Variants in CD300LG observed in about 807,000 individuals in gnomAD.
The protein encoded by CD300LG is CMRF35-like molecule 9.
A neutral mutation model predicts 31.5 loss-of-function variants in CD300LG; 29 were observed. The ratio of observed to expected loss-of-function variants is 0.92; its 90% confidence interval spans 0.68 to 1.25. The LOEUF (loss-of-function observed/expected upper bound fraction) is 1.25, where lower values mean the gene tolerates loss of function less well. CD300LG is among the 50% of genes most tolerant of loss of function. The probability of loss-of-function intolerance (pLI) is 0.00; values close to 1 mark genes in which losing one functional copy is unlikely to be tolerated. For missense variants in CD300LG, 396 were observed against 417.6 expected (o/e 0.95, Z 0.45); for synonymous variants, 175 against 177.2 (o/e 0.99, Z 0.10).
rs888407431 is a variant in CD300LG at position 43,851,995 on chromosome 17, G to T, written c.380-917G>T. Among the ~76,000 whole-genome samples, 3 of 152,146 alleles carry T rather than the reference G, an allele frequency of 2.0e-5. No individual in the cohort carries two copies. The East Asian group carries it at 5.8e-4, about 29-fold the overall frequency. The stretch of plus-strand genomic sequence containing the variant: ...GACATTACAGAGGAGTTGACCTTGA[G>T]CTTGTGCTGAAGGACAGAAAGAAGT... On this transcript the variant is annotated intron_variant, in intron 2 of 6. Transcript: ENST00000317310.
Position 43,852,965 on chromosome 17 carries a change from C to A in CD300LG, c.433C>A (p.Arg145Ser). 1 of 1,612,666 alleles carries A rather than the reference C, an allele frequency of 6.2e-7. No individual in the cohort carries two copies. The stretch of plus-strand genomic sequence containing the variant: ...CACCTTCCAGCCTCTGGCTACAACA[C>A]GCCTGCAGCCCAAGGCAAAAGCTCA... ...SPTFQPLATT[R>S]LQPKAKAQQT... Residue 145 changes from arginine (R) to serine (S), a missense_variant, in exon 3 of 7, where the codon CGC becomes AGC. Transcript: ENST00000317310.
Position 43,852,916 on chromosome 17 carries a change from C to T in CD300LG, c.384C>T (p.Pro128=). 1 of 1,611,334 alleles carries T rather than the reference C, an allele frequency of 6.2e-7. No individual in the cohort carries two copies. Among genetic ancestry groups the T allele is most frequent in the South Asian group, 1.1e-5 (1 of 90,534 alleles). The change falls in exon 3 of 7, where the codon CCC becomes CCT. Residue 128 remains proline (P), a synonymous_variant. Transcript: ENST00000317310. The part of the protein sequence containing the change: ...LLISLFVFPG[P]CCPPSPSPTF... ...CAGCCTTTCCCTTTCCTCTAGGACCCTGCTGTCCTCCCTCCCCTTCTCCCA... is the reference window on the plus strand; with the variant it reads ...CAGCCTTTCCCTTTCCTCTAGGACCTTGCTGTCCTCCCTCCCCTTCTCCCA...
In CD300LG at chr17:43,855,300, G is replaced by C; in HGVS notation, c.813G>C (p.Leu271=). The change falls in exon 5 of 7, where the codon CTG becomes CTC. Residue 271 remains leucine, a synonymous_variant. Coordinates refer to ENST00000317310, the MANE Select transcript of CD300LG (RefSeq NM_145273.4). The part of the protein sequence containing the change: ...AAGLIAFCSH[L]LLWRKEAQQA... ...GCCTGATCGCCTTCTGCAGCCACCT[G>C]CTCCTGTGGAGAAAGGAAGGTGAGC... 3.8e-6 allele frequency: 6 copies of C among 1,592,972 alleles called. No individual in the cohort carries two copies. Among genetic ancestry groups the C allele is most frequent in the Non-Finnish European group, 5.1e-6 (6 of 1,171,972 alleles).
Position 43,848,839 on chromosome 17 carries a change from G to A in CD300LG, c.325G>A (p.Val109Ile). Residue 109 changes from valine (V) to isoleucine (I), a missense_variant, in exon 2 of 7, where the codon GTC becomes ATC. Coordinates refer to ENST00000317310, the MANE Select transcript of CD300LG (RefSeq NM_145273.4). ...AGACGCTGGGGAGTACTGGTGTGGG[G>A]TCGAAAAACGGGGCCCCGATGAGTC... Reference protein sequence around the residue: ...LQDAGEYWCGVEKRGPDESLL... With the variant: ...LQDAGEYWCGIEKRGPDESLL... The A allele has an allele frequency of 6.2e-7, 1 of 1,614,058 alleles. No homozygotes were observed. Among genetic ancestry groups the A allele is most frequent in the Non-Finnish European group, 8.5e-7 (1 of 1,180,012 alleles).
intron 6 of CD300LG, among the ~76,000 whole-genome samples, chr17:43,859,976 T>A (rs1459003401): frequency 1.3e-5 from 2 of 152,216 alleles, no homozygotes. Flanking sequence ...GCTCAAGTGG[T>A]CCTCTAGCCT....
intron 5 of CD300LG, 92 bp from the exon 6 acceptor site, chr17:43,857,012 C>A (rs1395534122): frequency 1.5e-6 from 2 of 1,306,004 alleles, no homozygotes; most frequent in Non-Finnish European, 1.1e-6. Flanking sequence ...CTCCCGTGTG[C>A]AAGGGGGCCA....
At chr17:43,859,761 G>A (rs996008900) in intron 6 of CD300LG, among the ~76,000 whole-genome samples, 1 of 152,148 alleles carries the variant, frequency 6.6e-6, no homozygotes, top group Non-Finnish European at 1.5e-5. Context: ...GGCAGCATTT[G>A]GGAATTGCCT....
In CD300LG at chr17:43,852,979, G is replaced by C. The variant is rs769293381; in HGVS notation, c.447G>C (p.Lys149Asn). The C allele has an allele frequency of 3.1e-6, 5 of 1,612,074 alleles. No homozygotes were observed. In the South Asian group the frequency reaches 3.3e-5, roughly 11 times the overall value. Reference protein sequence around the residue: ...QPLATTRLQPKAKAQQTQPPG... With the variant: ...QPLATTRLQPNAKAQQTQPPG... ...TGGCTACAACACGCCTGCAGCCCAA[G>C]GCAAAAGCTCAGCAAACCCAGCCCC... is the stretch of plus-strand genomic sequence containing the variant. The change falls in exon 3 of 7, where the codon AAG becomes AAC. Residue 149 changes from lysine to asparagine, a missense_variant. Physicochemically the swap from Lys to Asn is moderately conservative, Grantham distance 94 (BLOSUM62 0). Transcript: ENST00000317310.
chr17:43,852,882 C>T (rs1265978656), intron 2 of CD300LG, 30 bp from the exon 3 acceptor site: 1 of 1,568,400 alleles, frequency 6.4e-7, no homozygotes, highest in Non-Finnish European at 8.7e-7. Context: ...GCGGTGCCAC[C>T]CCTGAGAGCA....
intron 2 of CD300LG, among the ~76,000 whole-genome samples, chr17:43,850,230 T>A (rs1455395487): frequency 2.0e-5 from 3 of 152,210 alleles, no homozygotes; most frequent in Admixed American, 2.0e-4. Flanking sequence ...ATTTCTGTGG[T>A]GTCCATTTCT....
At chr17:43,858,221 CTGT>C in intron 6 of CD300LG, 3 of 1,093,614 alleles carry the variant, frequency 2.7e-6, no homozygotes, top group Non-Finnish European at 2.2e-6. Context: ...TAGGAAGCAG[CTGT>C]TGTTGTCTCA....
intron 5 of CD300LG, among the ~76,000 whole-genome samples, chr17:43,856,618 A>T (rs1034361941): frequency 4.6e-5 from 7 of 152,188 alleles, no homozygotes; most frequent in African/African-American, 1.7e-4. Flanking sequence ...GGCTTTGTCC[A>T]GGTCCCCTCT....
Position 43,847,266 on chromosome 17 carries a change from T to G in CD300LG, c.43+7T>G, listed in dbSNP as rs2046208505. 6.2e-7 allele frequency: 1 copy of G among 1,613,294 alleles called. No individual in the cohort carries two copies. The highest frequency in any genetic ancestry group is 8.5e-7 in the Non-Finnish European group (1 of 1,179,682). On this transcript the variant is annotated splice_region_variant and intron_variant, in intron 1 of 6. Transcript: ENST00000317310. Reference sequence around the variant, plus strand: ...GGTTGCCTGCTGCTCCCAGGTGAGATGGGGAGAGGGTCTCGGGAGGGATGT... The same window carrying G: ...GGTTGCCTGCTGCTCCCAGGTGAGAGGGGGAGAGGGTCTCGGGAGGGATGT...
rs2046211027 is a variant in CD300LG, at chr17:43,847,319, A to G, written c.43+60A>G. On this transcript the variant is annotated intron_variant, in intron 1 of 6. Transcript: ENST00000317310. The stretch of plus-strand genomic sequence containing the variant: ...GGCTCACCCTTGTGGTCTGCAGGGA[A>G]AGGACCTCTTGACTGACTGATAGCC... 11 of 1,589,572 alleles carry G rather than the reference A, an allele frequency of 6.9e-6. No individual in the cohort carries two copies. In the Admixed American group the frequency reaches 1.7e-4, roughly 25 times the overall value.
In CD300LG at chr17:43,848,578, C is replaced by T. The variant is rs146351601; in HGVS notation, c.64C>T (p.Pro22Ser). The stretch of plus-strand genomic sequence containing the variant: ...TTTAGGTTATGAAGCCCTGGAGGGC[C>T]CAGAGGAAATCAGCGGGTTCGAAGG... ...LLPGYEALEG[P>S]EEISGFEGDT... The change falls in exon 2 of 7, where the codon CCA becomes TCA. Residue 22 changes from proline (P) to serine (S), a missense_variant. Physicochemically the swap from Pro to Ser is moderately conservative, Grantham distance 74 (BLOSUM62 -1). Coordinates refer to ENST00000317310, the MANE Select transcript of CD300LG (RefSeq NM_145273.4). 193 of 1,613,932 alleles carry T rather than the reference C, an allele frequency of 1.2e-4. No individual in the cohort carries two copies. In the African/African-American group the frequency reaches 2.0e-3, roughly 17 times the overall value.
intron 6 of CD300LG, chr17:43,858,165 A>C (rs2046578976): frequency 8.1e-7 from 1 of 1,240,922 alleles, no homozygotes; most frequent in Non-Finnish European, 1.0e-6. Context: ...AGGCCTGGTC[A>C]CCCCAAGGAG....
chr17:43,857,389 G>GT, intron 6 of CD300LG: 1 of 1,534,696 alleles, frequency 6.5e-7, no homozygotes. Flanking sequence ...TTTCCCGCCA[G>GT]GTGCCAGGCA....
intron 3 of CD300LG, 131 bp downstream of exon 3, chr17:43,853,144 G>A (rs1467184058): frequency 2.9e-6 from 2 of 698,782 alleles, no homozygotes; most frequent in African/African-American, 1.8e-5. Flanking sequence ...GAGCTGGGTT[G>A]TCCAGCTGTG....
At chr17:43,857,814 C>G in intron 6 of CD300LG, 1 of 1,537,278 alleles carries the variant, frequency 6.5e-7, no homozygotes, top group Non-Finnish European at 8.7e-7. Context: ...TTCTCTGAGC[C>G]TGCCTTGGCT....
Sources: allele counts gnomAD v4.1 joint callset (sites outside exome capture counted in the v4.1 genomes callset), GRCh38; gene constraint gnomAD v4.1.1; transcripts MANE v1.5; gene names NCBI Gene and HGNC (gene_info 2026-07-23, HGNC 2026-07-21).